Variants in KLHL26 observed in about 807,000 individuals in gnomAD.
KLHL26 encodes the protein kelch like family member 26.
Under a neutral mutation model 7.1 loss-of-function variants are expected in KLHL26, and 4 were observed. That is an observed-to-expected ratio of 0.56 (90% confidence interval 0.28 to 1.28). The LOEUF is 1.28. Among genes scored for constraint, KLHL26 ranks in the 50% most tolerant of loss-of-function variants. The probability of loss-of-function intolerance (pLI) is 0.11; values close to 1 mark genes in which losing one functional copy is unlikely to be tolerated. For synonymous variants in KLHL26, 465 were observed against 414.1 expected (o/e 1.12, Z -1.49); for missense variants, 896 against 924.6 (o/e 0.97, Z 0.40).
At chr19:18,640,489 C>T (rs1030408910) in intron 1 of KLHL26, among the ~76,000 whole-genome samples, 3 of 151,882 alleles carry the variant, frequency 2.0e-5, no homozygotes, top group East Asian at 1.9e-4. Flanking sequence ...GCAATCTTCC[C>T]ACCTCTGCCT....
intron 1 of KLHL26, among the ~76,000 whole-genome samples, chr19:18,663,644 G>A (rs1477132682): frequency 6.6e-6 from 1 of 152,180 alleles, no homozygotes; most frequent in Non-Finnish European, 1.5e-5. Flanking sequence ...GATCCTGGAG[G>A]TGGCACCAGG....
At chr19:18,658,218 G>A (rs963208296) in intron 1 of KLHL26, among the ~76,000 whole-genome samples, 3 of 152,154 alleles carry the variant, frequency 2.0e-5, no homozygotes, top group African/African-American at 7.2e-5. Context: ...GAGGCTGCAT[G>A]TGAAGACCTG....
In KLHL26 at chr19:18,668,974, T is replaced by C. The variant is rs1192969194; in HGVS notation, c.1577T>C (p.Val526Ala). 6.2e-7 allele frequency: 1 copy of C among 1,612,292 alleles called. No individual in the cohort carries two copies. The highest frequency in any genetic ancestry group is 1.1e-5 in the South Asian group (1 of 91,078). Residue 526 changes from valine (V) to alanine (A), a missense_variant, in exon 3 of 3, where the codon GTG (valine) becomes GCG (alanine). By Grantham distance (64) the Val-to-Ala change is moderately conservative (BLOSUM62 0). Coordinates refer to ENST00000300976, the MANE Select transcript of KLHL26 (RefSeq NM_018316.3). Reference sequence around the variant, plus strand: ...GACCACGTGGACCGCTGCTTCGACGTGCTGGCTGTGGAGTACTATGTGCCG... The same window carrying C: ...GACCACGTGGACCGCTGCTTCGACGCGCTGGCTGTGGAGTACTATGTGCCG... ...RMDHVDRCFD[V>A]LAVEYYVPET...
intron 1 of KLHL26, among the ~76,000 whole-genome samples, chr19:18,654,507 A>G (rs151082167): frequency 1.0e-3 from 156 of 150,118 alleles, no homozygotes; most frequent in Non-Finnish European, 2.1e-3. Flanking sequence ...CCACCAACCT[A>G]CACACCTGTC....
Position 18,667,591 on chromosome 19 carries a change from G to A in KLHL26, c.267-73G>A, listed in dbSNP as rs781041651. The A allele has an allele frequency of 5.2e-6, 8 of 1,552,112 alleles. No individual in the cohort carries two copies. In the South Asian group the frequency reaches 6.2e-5, roughly 12 times the overall value. On this transcript the variant is annotated intron_variant, in intron 2 of 2. Coordinates refer to ENST00000300976, the MANE Select transcript of KLHL26 (RefSeq NM_018316.3). ...TGTGTCCCCAGGCTACTGTTCCCCA[G>A]GCCAGATCATTCCTGGCTGGCCAAA...
In KLHL26 at chr19:18,668,126, C is replaced by G; in HGVS notation, c.729C>G (p.Arg243=). Residue 243 remains arginine (R), a synonymous_variant, in exon 3 of 3, where the codon CGC becomes CGG. Coordinates refer to ENST00000300976, the MANE Select transcript of KLHL26 (RefSeq NM_018316.3). The part of the protein sequence containing the change: ...WLQHDPARRP[R]ASHVLCHIRF... ...AGCATGACCCGGCCCGGCGGCCGCG[C>G]GCCAGCCACGTGCTCTGCCACATTC... 1.2e-6 allele frequency: 2 copies of G among 1,601,678 alleles called. No homozygotes were observed. Among genetic ancestry groups the G allele is most frequent in the Non-Finnish European group, 8.5e-7 (1 of 1,178,424 alleles).
Position 18,637,307 on chromosome 19 carries a change from C to A in KLHL26, c.83+170C>A, listed in dbSNP as rs969459044. Reference sequence around the variant, plus strand: ...GGGGTACTGGAGGAGCCGAGGGCTACTGAGGGGGTGGCTGGAGGGGGGCTG... The same window carrying A: ...GGGGTACTGGAGGAGCCGAGGGCTAATGAGGGGGTGGCTGGAGGGGGGCTG... On this transcript the variant is annotated intron_variant, in intron 1 of 2. Coordinates refer to ENST00000300976, the MANE Select transcript of KLHL26 (RefSeq NM_018316.3). Among the ~76,000 whole-genome samples, 9 of 152,062 alleles carry A rather than the reference C, an allele frequency of 5.9e-5. 1 individual carries two copies. The highest frequency in any genetic ancestry group is 5.2e-4 in the Admixed American group (8 of 15,278).
Position 18,668,450 on chromosome 19 carries a change from C to T in KLHL26, c.1053C>T (p.Cys351=), listed in dbSNP as rs748098237. Residue 351 remains cysteine (C), a synonymous_variant, in exon 3 of 3, where the codon TGC becomes TGT. Coordinates refer to ENST00000300976, the MANE Select transcript of KLHL26 (RefSeq NM_018316.3). The part of the protein sequence containing the change: ...FRELTEMEVG[C]SHTCVAVLDN... ...AGCTCACGGAGATGGAGGTAGGCTG[C>T]AGCCACACGTGCGTGGCCGTGCTGG... is the stretch of plus-strand genomic sequence containing the variant. 8.1e-6 allele frequency: 13 copies of T among 1,611,332 alleles called. No individual in the cohort carries two copies. In the South Asian group the frequency reaches 1.3e-4, roughly 16 times the overall value.
chr19:18,664,034 G>A (rs1311508364), intron 1 of KLHL26, among the ~76,000 whole-genome samples: 2 of 151,958 alleles, frequency 1.3e-5, no homozygotes, highest in Admixed American at 1.3e-4. Flanking sequence ...CCTCCAAAAG[G>A]AGACCCCACC....
chr19:18,639,271 T>C (rs967804305), intron 1 of KLHL26, among the ~76,000 whole-genome samples: 1 of 151,664 alleles, frequency 6.6e-6, no homozygotes, highest in African/African-American at 2.4e-5. Flanking sequence ...AGAGACAGGG[T>C]TTCACTGTTG....
intron 1 of KLHL26, 63 bp downstream of exon 1, chr19:18,637,200 T>C: frequency 7.9e-7 from 1 of 1,262,282 alleles, no homozygotes. Flanking sequence ...CTGTGGGCAG[T>C]CTTGGGCGTC....
chr19:18,654,483 A>C (rs1051708501), intron 1 of KLHL26, among the ~76,000 whole-genome samples: 3 of 149,362 alleles, frequency 2.0e-5, no homozygotes, highest in Non-Finnish European at 4.5e-5. Context: ...CCGCCCACCC[A>C]TCCATCCACC....
chr19:18,658,524 CCTCTCCCT>C lies in KLHL26; in HGVS notation c.84-5728_84-5721del, dbSNP rs1351538700. On this transcript the variant is annotated intron_variant, in intron 1 of 2. Coordinates refer to ENST00000300976, the MANE Select transcript of KLHL26 (RefSeq NM_018316.3). The stretch of plus-strand genomic sequence containing the variant: ...CCCTGTCTCTGGGTCTCTGTCTCTC[CCTCTCCCT>C]CTCTCCCTGGGTCTCTGTCTCCCTC... Among the ~76,000 whole-genome samples, 3 of 90,390 alleles carry C rather than the reference CCTCTCCCT, an allele frequency of 3.3e-5. No homozygotes were observed. In the East Asian group the frequency reaches 8.6e-4, roughly 26 times the overall value. 59.3% of individuals were successfully genotyped at this position (90,390 alleles called of 152,430 possible). A position where few individuals can be genotyped will look rare whatever the true frequency, so the allele number is the denominator to read the frequency against.
At chr19:18,641,336 T>TTA (rs1555766106) in intron 1 of KLHL26, among the ~76,000 whole-genome samples, 1 of 149,740 alleles carries the variant, frequency 6.7e-6, no homozygotes, top group Non-Finnish European at 1.5e-5. Flanking sequence ...TTTTTTTTTT[T>TTA]AAGACTGAGT....
intron 1 of KLHL26, chr19:18,659,583 G>C (rs974165166): frequency 6.6e-6 from 1 of 152,272 alleles, no homozygotes; most frequent in Non-Finnish European, 1.5e-5. Flanking sequence ...TGGGCTCCGC[G>C]TGGGGGTGGG....
At chr19:18,658,681 C>T (rs757173689) in intron 1 of KLHL26, among the ~76,000 whole-genome samples, 18 of 150,076 alleles carry the variant, frequency 1.2e-4, no homozygotes, top group Non-Finnish European at 2.2e-4. Context: ...CTTTCTCTCC[C>T]TCTTGCTGGG....
chr19:18,641,795 A>G (rs1201479185), intron 1 of KLHL26, among the ~76,000 whole-genome samples: 4 of 150,152 alleles, frequency 2.7e-5, no homozygotes, highest in African/African-American at 9.8e-5. Context: ...CACCCGGCTA[A>G]TTTTTGTATT....
rs371490261 is a variant in KLHL26, at chr19:18,654,915, T to C, written c.84-9346T>C. Among the ~76,000 whole-genome samples, 5 of 152,372 alleles carry C rather than the reference T, an allele frequency of 3.3e-5. No individual in the cohort carries two copies. The East Asian group carries it at 7.7e-4, about 23-fold the overall frequency. On this transcript the variant is annotated intron_variant, in intron 1 of 2. Coordinates refer to ENST00000300976, the MANE Select transcript of KLHL26 (RefSeq NM_018316.3). ...ATCCAGTTGACAAGCATGACTGAGCTCCAACCATATGTTAGGCATGGCGGT... is the reference window on the plus strand; with the variant it reads ...ATCCAGTTGACAAGCATGACTGAGCCCCAACCATATGTTAGGCATGGCGGT...
chr19:18,640,047 T>G (rs1034627489), intron 1 of KLHL26, among the ~76,000 whole-genome samples: 8 of 150,660 alleles, frequency 5.3e-5, no homozygotes, highest in African/African-American at 1.7e-4. Context: ...GTCCATACAA[T>G]CTCGTATGGA....
Sources: allele counts gnomAD v4.1 joint callset (sites outside exome capture counted in the v4.1 genomes callset), GRCh38; gene constraint gnomAD v4.1.1; transcripts MANE v1.5; gene names NCBI Gene and HGNC (gene_info 2026-07-23, HGNC 2026-07-21).